Variants in FILIP1 observed in about 807,000 individuals in gnomAD.
The protein encoded by FILIP1 is filamin-A-interacting protein 1.
A neutral mutation model predicts 102.1 loss-of-function variants in FILIP1; 61 were observed. That is an observed-to-expected ratio of 0.60 (90% CI 0.49 to 0.74). The LOEUF is 0.74. FILIP1 is among the 30% of genes least tolerant of loss of function. FILIP1 has a pLI of 0.00. For missense variants in FILIP1, 1,314 were observed against 1,441.2 expected, an observed-to-expected ratio of 0.91 and a Z score of 1.43; for synonymous variants, 491 against 526.9, an observed-to-expected ratio of 0.93 and a Z score of 0.93.
chr6:75,450,471 A>G (rs1325955995), intron 1 of FILIP1, among the ~76,000 whole-genome samples: 1 of 151,986 alleles, frequency 6.6e-6, no homozygotes, highest in Admixed American at 6.6e-5. Flanking sequence ...ATAAAGCAAG[A>G]CCATATCTCT....
chr6:75,300,847 A>G (rs2207600), intron 6 of FILIP1, among the ~76,000 whole-genome samples: 6 of 152,084 alleles, frequency 3.9e-5, no homozygotes, highest in African/African-American at 1.2e-4. Flanking sequence ...CATCAGCCCA[A>G]ATTATCTCCT....
chr6:75,313,451 C>T lies in FILIP1; in HGVS notation c.2381G>A (p.Arg794Lys). The T allele has an allele frequency of 6.2e-7, 1 of 1,614,194 alleles. No individual in the cohort carries two copies. Among genetic ancestry groups the T allele is most frequent in the Non-Finnish European group, 8.5e-7 (1 of 1,180,018 alleles). Residue 794 changes from arginine (R) to lysine (K), a missense_variant, in exon 5 of 6, where the codon AGA (arginine) becomes AAA (lysine). Arg to Lys is a conservative substitution (Grantham distance 26). Transcript: ENST00000237172. This position sits in a 1 kb window ranked among gnomAD's most constrained non-coding sequence, Gnocchi z 4.2. Reference protein sequence around the residue: ...RALRPSVNGRRMVDVPVTSTG... With the variant: ...RALRPSVNGRKMVDVPVTSTG... ...TGACGTCACAGGAACATCCACCATTCTTCTTCCATTCACACTGGGCCTAAG... is the reference window on the plus strand; with the variant it reads ...TGACGTCACAGGAACATCCACCATTTTTCTTCCATTCACACTGGGCCTAAG...
chr6:75,315,241 C>A, intron 4 of FILIP1, 39 bp from the exon 5 acceptor site: 1 of 1,329,396 alleles, frequency 7.5e-7, no homozygotes, highest in Non-Finnish European at 1.0e-6. Flanking sequence ...AAAGAGTAAT[C>A]AGCAAACAGA....
chr6:75,399,964 T>C (rs796162906), intron 2 of FILIP1, among the ~76,000 whole-genome samples: 6 of 152,232 alleles, frequency 3.9e-5, no homozygotes, highest in African/African-American at 1.4e-4. Context: ...ATTCCAGGCA[T>C]CCTATCATTT....
At chr6:75,339,940 T>C (rs1473362787) in intron 4 of FILIP1, among the ~76,000 whole-genome samples, 2 of 152,036 alleles carry the variant, frequency 1.3e-5, no homozygotes, top group African/African-American at 2.4e-5. Flanking sequence ...AGAGCAAGAC[T>C]CTGTCTAAAA....
At position 75,354,092 on chromosome 6, in the gene FILIP1, T is replaced by C. The variant is rs191933229; in HGVS notation, c.451-375A>G. ...GTTCTGAATATTCTAATACATGTCC[T>C]TTAGTGAACATATGGCATATGTGTC... On this transcript the variant is annotated intron_variant, in intron 3 of 5. Transcript: ENST00000237172. Among the ~76,000 whole-genome samples, 339 of 152,322 alleles carry C rather than the reference T, an allele frequency of 2.2e-3. 1 individual carries two copies. Among genetic ancestry groups the C allele is most frequent in the Admixed American group, 3.5e-3 (54 of 15,302 alleles).
At chr6:75,397,248 AT>A (rs1428788643) in intron 2 of FILIP1, among the ~76,000 whole-genome samples, 1 of 151,984 alleles carries the variant, frequency 6.6e-6, no homozygotes, top group African/African-American at 2.4e-5. Flanking sequence ...TTTAATAAAT[AT>A]AAAAAATTCT....
chr6:75,330,999 G>A (rs1774060812), intron 4 of FILIP1, among the ~76,000 whole-genome samples: 1 of 152,072 alleles, frequency 6.6e-6, no homozygotes, highest in Non-Finnish European at 1.5e-5. Context: ...ACCATGAAAA[G>A]TTCATGACTA....
chr6:75,410,015 C>A (rs1777007670), intron 2 of FILIP1, among the ~76,000 whole-genome samples: 1 of 152,196 alleles, frequency 6.6e-6, no homozygotes, highest in Non-Finnish European at 1.5e-5. Context: ...TCCAATCTTT[C>A]CACTTGGCCA....
intron 1 of FILIP1, among the ~76,000 whole-genome samples, chr6:75,424,294 C>T (rs1178358002): frequency 1.3e-5 from 2 of 152,136 alleles, no homozygotes; most frequent in East Asian, 3.9e-4. Flanking sequence ...CATAGCATCC[C>T]CCAAGAAGTC....
At chr6:75,411,421 A>G (rs1269192536) in intron 2 of FILIP1, among the ~76,000 whole-genome samples, 1 of 152,164 alleles carries the variant, frequency 6.6e-6, no homozygotes, top group Non-Finnish European at 1.5e-5. Flanking sequence ...CTTCAGTTTA[A>G]TTAGATCCCA....
chr6:75,319,412 C>T, intron 4 of FILIP1: 2 of 621,564 alleles, frequency 3.2e-6, no homozygotes, highest in African/African-American at 1.8e-5. Context: ...TCTTTTTTGT[C>T]TCCCCTTTAG....
chr6:75,313,783 C>G lies in FILIP1; in HGVS notation c.2049G>C (p.Glu683Asp). 6.2e-7 allele frequency: 1 copy of G among 1,602,234 alleles called. No individual in the cohort carries two copies. Among genetic ancestry groups the G allele is most frequent in the East Asian group, 2.2e-5 (1 of 44,840 alleles). ...TATTCTTGGCAATTTGGTGCTTGAT[C>G]TCCTCTAGTTGTTGAGAGAGGAAGT... ...KANFLSQQLE[E>D]IKHQIAKNKA... The change falls in exon 5 of 6, where the codon GAG becomes GAC. Residue 683 changes from glutamate (E) to aspartate (D), a missense_variant. Transcript: ENST00000237172. This position sits in a 1 kb window ranked among gnomAD's most constrained non-coding sequence, Gnocchi z 4.2.
At chr6:75,305,136 C>T (rs1305328569), downstream of FILIP1, among the ~76,000 whole-genome samples, 1 of 152,106 alleles carries the variant, frequency 6.6e-6, no homozygotes, top group East Asian at 1.9e-4. Context: ...GAAACATTAT[C>T]CAGGTTGGGA....
intron 6 of FILIP1, among the ~76,000 whole-genome samples, chr6:75,297,824 G>C (rs1353001529): frequency 1.3e-5 from 2 of 152,160 alleles, no homozygotes; most frequent in African/African-American, 4.8e-5. Context: ...AGAAAGCATA[G>C]ATAAAGAGTG....
chr6:75,447,811 G>C (rs1335655989), intron 1 of FILIP1, among the ~76,000 whole-genome samples: 3 of 151,942 alleles, frequency 2.0e-5, no homozygotes, highest in African/African-American at 7.3e-5. Context: ...AAAGTAAACT[G>C]TATTTAAAAA....
Position 75,315,158 on chromosome 6 carries a change from T to C in FILIP1, c.674A>G (p.Lys225Arg). Residue 225 changes from lysine (K) to arginine (R), a missense_variant, in exon 5 of 6, where the codon AAA (lysine) becomes AGA (arginine). By Grantham distance (26) the Lys-to-Arg change is conservative (BLOSUM62 2). Around this residue, in one of 3 missense-constraint regions of FILIP1, gnomAD observed 494 missense variants for 511.2 expected, o/e 0.97. Coordinates refer to ENST00000237172, the MANE Select transcript of FILIP1 (RefSeq NM_015687.5). ...GAGTCGTTTAGCATTTTCCTTTTCTTTGCGGGCTTGATAAGCCTTTTCTTG... is the reference window on the plus strand; with the variant it reads ...GAGTCGTTTAGCATTTTCCTTTTCTCTGCGGGCTTGATAAGCCTTTTCTTG... ...LEQEKAYQAR[K>R]EKENAKRLNK... The C allele has an allele frequency of 6.3e-7, 1 of 1,587,398 alleles. No individual in the cohort carries two copies. The highest frequency in any genetic ancestry group is 1.2e-5 in the South Asian group (1 of 85,230).
chr6:75,361,781 A>T (rs1381277184), intron 3 of FILIP1: 2 of 152,224 alleles, frequency 1.3e-5, no homozygotes, highest in Non-Finnish European at 2.9e-5. Flanking sequence ...AGCAGTGGTA[A>T]GTCTCAGAAG....
chr6:75,308,027 A>T, downstream of FILIP1: 1 of 985,154 alleles, frequency 1.0e-6, no homozygotes, highest in South Asian at 4.7e-5. Flanking sequence ...AATCTTATGG[A>T]GGAGCTAAAA....
Sources: gnomAD v4.1 joint callset for allele counts (sites outside exome capture counted in the v4.1 genomes callset) on GRCh38, gnomAD v4.1.1 for gene constraint, gnomAD v4.1.1 regional missense constraint, Gnocchi (gnomAD v3.1) non-coding constraint, MANE v1.5 for transcripts, NCBI Gene and HGNC (gene_info 2026-07-23, HGNC 2026-07-21) for gene names.